Variants in TSPAN18 observed in about 807,000 individuals in gnomAD.
The protein encoded by TSPAN18 is tetraspanin 18.
Under a neutral mutation model 27.3 loss-of-function variants are expected in TSPAN18, and 14 were observed. The observed-to-expected ratio is 0.51, with a 90% CI of 0.34 to 0.80. The LOEUF (loss-of-function observed/expected upper bound fraction) is 0.80, where lower values mean the gene tolerates loss of function less well. TSPAN18 is among the 30% of genes least tolerant of loss of function. The pLI is 0.01. For synonymous variants in TSPAN18, 143 were observed against 136.5 expected (o/e 1.05, Z -0.33); for missense variants, 268 against 323.9 (o/e 0.83, Z 1.32).
chr11:44,893,371 C>A (rs1858922197), intron 3 of TSPAN18, among the ~76,000 whole-genome samples: 2 of 152,222 alleles, frequency 1.3e-5, no homozygotes, highest in Admixed American at 1.3e-4. Context: ...CCCTCAGGAG[C>A]CTAATTAGAT....
At chr11:44,865,617 C>T (rs941878693) in intron 3 of TSPAN18, among the ~76,000 whole-genome samples, 3 of 152,246 alleles carry the variant, frequency 2.0e-5, no homozygotes, top group Non-Finnish European at 4.4e-5. Context: ...CCAACCCCAT[C>T]AGTCCCTTTT....
At chr11:44,828,725 A>T (rs1857095340) in intron 2 of TSPAN18, among the ~76,000 whole-genome samples, 1 of 152,140 alleles carries the variant, frequency 6.6e-6, no homozygotes, top group African/African-American at 2.4e-5. Context: ...TCTGTAGCCC[A>T]GCTGCAGTGA....
At chr11:44,886,183 G>C (rs1858645026) in intron 3 of TSPAN18, 1 of 152,220 alleles carries the variant, frequency 6.6e-6, no homozygotes, top group Non-Finnish European at 1.5e-5. Context: ...CTTGAGTTCT[G>C]AGAGACCTCT....
At chr11:44,780,074 T>C (rs1855903184) in intron 2 of TSPAN18, among the ~76,000 whole-genome samples, 1 of 152,046 alleles carries the variant, frequency 6.6e-6, no homozygotes, top group Non-Finnish European at 1.5e-5. Context: ...TGTGCAAACG[T>C]CTTCACACAC....
chr11:44,731,627 T>TGAGAGAGAGAGAGA (rs1251803223), intron 1 of TSPAN18, among the ~76,000 whole-genome samples: 48 of 84,674 alleles, frequency 5.7e-4, no homozygotes, highest in African/African-American at 1.8e-3. Flanking sequence ...TGTGTGTGTG[T>TGAGAGAGAGAGAGA]GTGTGTGAGA....
intron 1 of TSPAN18, among the ~76,000 whole-genome samples, chr11:44,728,401 G>GGGTCTCTGTTCCA (rs1854571532): frequency 6.6e-6 from 1 of 152,190 alleles, no homozygotes; most frequent in Non-Finnish European, 1.5e-5. Context: ...ACCCCAAAAT[G>GGGTCTCTGTTCCA]CATGCACCCT....
chr11:44,776,099 C>T (rs898332195), intron 2 of TSPAN18, among the ~76,000 whole-genome samples: 1 of 152,238 alleles, frequency 6.6e-6, no homozygotes, highest in Non-Finnish European at 1.5e-5. Context: ...TGTCAGTCTT[C>T]ACCGAGTGGC....
At chr11:44,844,962 G>T (rs905580317) in intron 2 of TSPAN18, among the ~76,000 whole-genome samples, 1 of 152,208 alleles carries the variant, frequency 6.6e-6, no homozygotes, top group Admixed American at 6.5e-5. Context: ...CTCCAAAGGG[G>T]TATCAAAAGG....
intron 3 of TSPAN18, among the ~76,000 whole-genome samples, chr11:44,903,039 C>G (rs1285755424): frequency 6.6e-6 from 1 of 152,102 alleles, no homozygotes; most frequent in African/African-American, 2.4e-5. Flanking sequence ...CTACTGTGTC[C>G]CAGGAGGGCA....
intron 3 of TSPAN18, among the ~76,000 whole-genome samples, chr11:44,878,258 C>T (rs1018257858): frequency 1.3e-5 from 2 of 152,074 alleles, no homozygotes; most frequent in Admixed American, 6.5e-5. Flanking sequence ...GCTGGCCGGG[C>T]GTGTAAGAAC....
chr11:44,856,977 G>A (rs1200717851), intron 2 of TSPAN18, among the ~76,000 whole-genome samples: 3 of 152,106 alleles, frequency 2.0e-5, no homozygotes, highest in East Asian at 1.9e-4. Context: ...TTACTGCTGC[G>A]TAAATGGCCT....
At chr11:44,828,949 C>T (rs958323075) in intron 2 of TSPAN18, among the ~76,000 whole-genome samples, 1 of 152,226 alleles carries the variant, frequency 6.6e-6, no homozygotes, top group African/African-American at 2.4e-5. Context: ...GGTCTCCCCA[C>T]CTCTACTCTT....
chr11:44,778,941 G>T (rs1298615440), intron 2 of TSPAN18, among the ~76,000 whole-genome samples: 1 of 152,124 alleles, frequency 6.6e-6, no homozygotes, highest in African/African-American at 2.4e-5. Flanking sequence ...CTTGGTCTCT[G>T]GGCCCACACA....
chr11:44,871,236 A>G (rs1354761851), intron 3 of TSPAN18, among the ~76,000 whole-genome samples: 1 of 152,204 alleles, frequency 6.6e-6, no homozygotes, highest in African/African-American at 2.4e-5. Flanking sequence ...AAGATGCTAG[A>G]GGCTGGAAGT....
At chr11:44,863,278 C>T (rs1354005020) in intron 3 of TSPAN18, among the ~76,000 whole-genome samples, 4 of 152,190 alleles carry the variant, frequency 2.6e-5, no homozygotes, top group East Asian at 1.9e-4. Flanking sequence ...GCAGTGGGAC[C>T]CTGAGGCTTG....
At chr11:44,732,548 C>G (rs906392189) in intron 1 of TSPAN18, among the ~76,000 whole-genome samples, 6 of 152,312 alleles carry the variant, frequency 3.9e-5, no homozygotes, top group African/African-American at 9.6e-5. Flanking sequence ...CAAGCCCCCT[C>G]CTCCCCACCT....
chr11:44,855,446 A>G (rs1047727805), intron 2 of TSPAN18, among the ~76,000 whole-genome samples: 1 of 152,220 alleles, frequency 6.6e-6, no homozygotes, highest in African/African-American at 2.4e-5. Flanking sequence ...AAAAGCAAGC[A>G]TTCGACAATC....
intron 3 of TSPAN18, among the ~76,000 whole-genome samples, chr11:44,871,296 G>A (rs576803495): frequency 5.7e-4 from 86 of 152,192 alleles, no homozygotes; most frequent in African/African-American, 1.9e-3. Flanking sequence ...GGCCATCTTC[G>A]CCTTGTATCT....
At chr11:44,889,723 A>C (rs555831264) in intron 3 of TSPAN18, among the ~76,000 whole-genome samples, 1 of 152,326 alleles carries the variant, frequency 6.6e-6, no homozygotes, top group East Asian at 1.9e-4. Flanking sequence ...TTTGGGGGCC[A>C]TAATTTTCAG....
Sources: gnomAD v4.1 joint callset for allele counts (sites outside exome capture counted in the v4.1 genomes callset) on GRCh38, gnomAD v4.1.1 for gene constraint, MANE v1.5 for transcripts, NCBI Gene and HGNC (gene_info 2026-07-23, HGNC 2026-07-21) for gene names.